RASSF8: variants seen among roughly 807,000 people sequenced by gnomAD.
RASSF8 encodes Ras association domain family member 8, also known as ras association domain-containing protein 8.
A neutral mutation model predicts 48.5 loss-of-function variants in RASSF8; 22 were observed. That is an observed-to-expected ratio of 0.45 (90% CI 0.32 to 0.65). RASSF8 has a LOEUF of 0.65. Ranked by LOEUF, RASSF8 falls within the 30% of genes least tolerant of loss-of-function variation. RASSF8 has a pLI of 0.03. For synonymous variants in RASSF8, 127 were observed against 171.5 expected (o/e 0.74, Z 2.03); for missense variants, 418 against 489.2 (o/e 0.85, Z 1.37).
At chr12:26,058,524 GCGCA>G (rs1943661857) in intron 3 of RASSF8, among the ~76,000 whole-genome samples, 2 of 65,182 alleles carry the variant, frequency 3.1e-5, no homozygotes, top group African/African-American at 9.5e-5. Flanking sequence ...CTACACACAT[GCGCA>G]CGCGCGCGCG....
intron 1 of RASSF8, among the ~76,000 whole-genome samples, chr12:25,961,748 C>T (rs1042657562): frequency 3.3e-5 from 5 of 152,156 alleles, no homozygotes; most frequent in Non-Finnish European, 5.9e-5. Context: ...ATCTCAAACT[C>T]CTTCAGAATT....
At chr12:26,037,763 T>C (rs1943182799) in intron 2 of RASSF8, among the ~76,000 whole-genome samples, 2 of 152,122 alleles carry the variant, frequency 1.3e-5, no homozygotes, top group South Asian at 4.1e-4. Flanking sequence ...AAGAGATACT[T>C]GTATGAGATG....
chr12:25,974,296 G>A (rs1036518484), intron 1 of RASSF8, among the ~76,000 whole-genome samples: 2 of 152,108 alleles, frequency 1.3e-5, no homozygotes, highest in African/African-American at 4.8e-5. Flanking sequence ...CAGCCAATAC[G>A]CGAGAAGTGC....
intron 1 of RASSF8, among the ~76,000 whole-genome samples, chr12:25,977,987 C>T (rs1368349025): frequency 6.6e-6 from 1 of 152,134 alleles, no homozygotes; most frequent in African/African-American, 2.4e-5. Context: ...TGACACTCCT[C>T]TTTTCAAATC....
chr12:26,037,502 C>T (rs1943178418), intron 2 of RASSF8, among the ~76,000 whole-genome samples: 1 of 152,122 alleles, frequency 6.6e-6, no homozygotes, highest in Non-Finnish European at 1.5e-5. Context: ...ACCAAGATCC[C>T]ATTTTATTAT....
chr12:26,024,874 A>G (rs971353304), intron 2 of RASSF8, among the ~76,000 whole-genome samples: 4 of 151,988 alleles, frequency 2.6e-5, no homozygotes, highest in Non-Finnish European at 5.9e-5. Context: ...GGAGAACAGC[A>G]TGAATCTGGG....
chr12:26,010,437 G>GGTC (rs1565616811), intron 2 of RASSF8, among the ~76,000 whole-genome samples: 11 of 152,104 alleles, frequency 7.2e-5, no homozygotes, highest in Non-Finnish European at 2.9e-5. Flanking sequence ...GCATTGCCCA[G>GGTC]GGTCATGCAG....
downstream of RASSF8, among the ~76,000 whole-genome samples, chr12:26,074,945 G>A (rs575716810): frequency 2.0e-5 from 3 of 152,132 alleles, no homozygotes; most frequent in African/African-American, 7.2e-5. Flanking sequence ...AATTTTAAGC[G>A]TGGAAATTAA....
At chr12:26,074,411 C>T (rs990429636), downstream of RASSF8, among the ~76,000 whole-genome samples, 16 of 152,206 alleles carry the variant, frequency 1.1e-4, no homozygotes, top group South Asian at 2.1e-4. Context: ...GGCCTGATCT[C>T]GGCTCACTGC....
intron 2 of RASSF8, among the ~76,000 whole-genome samples, chr12:26,048,000 A>G (rs1416946727): frequency 1.3e-5 from 2 of 152,226 alleles, no homozygotes; most frequent in African/African-American, 4.8e-5. Flanking sequence ...ATTTAAAGGA[A>G]GCGGCTAGAA....
At chr12:25,959,816 A>C (rs1177353739) in intron 1 of RASSF8, 2 of 152,152 alleles carry the variant, frequency 1.3e-5, no homozygotes, top group Non-Finnish European at 2.9e-5. Context: ...TTGGGTTCGG[A>C]ATCCAGTGTT....
intron 1 of RASSF8, among the ~76,000 whole-genome samples, chr12:25,994,572 G>C (rs1439536714): frequency 2.0e-5 from 3 of 152,210 alleles, no homozygotes; most frequent in Non-Finnish European, 4.4e-5. Context: ...CCAAGGAAAA[G>C]TGCAGTGTAT....
At chr12:26,065,498 A>G in intron 4 of RASSF8, 111 bp downstream of exon 4, 1 of 1,375,670 alleles carries the variant, frequency 7.3e-7, no homozygotes, top group Admixed American at 2.5e-5. Flanking sequence ...TTAGAAACCC[A>G]GCCTTGTTTA....
intron 1 of RASSF8, among the ~76,000 whole-genome samples, chr12:25,983,254 G>GAAAA (rs61662689): frequency 0.9 from 136,164 of 151,850 alleles, 61,183 homozygotes; most frequent in East Asian, 0.99. Context: ...AAAAAAATCT[G>GAAAA]AAACTAAATA....
intron 2 of RASSF8, among the ~76,000 whole-genome samples, chr12:26,018,740 C>T (rs964652692): frequency 2.6e-5 from 4 of 152,184 alleles, no homozygotes; most frequent in African/African-American, 9.7e-5. Context: ...GGAGTCATTA[C>T]AATGAGGAAG....
chr12:26,079,153 A>G (rs1434251833), exon 6 of RASSF8: 1 of 975,288 alleles, frequency 1.0e-6, no homozygotes, highest in African/African-American at 1.7e-5. Context: ...CTGCACAACA[A>G]AGGAAACGAT....
chr12:26,042,930 G>A (rs573063189), intron 2 of RASSF8, among the ~76,000 whole-genome samples: 6 of 152,218 alleles, frequency 3.9e-5, no homozygotes, highest in Admixed American at 6.5e-5. Flanking sequence ...TAAAATACTC[G>A]AATGCCAATT....
At chr12:26,049,270 T>A (rs1288896512) in intron 2 of RASSF8, among the ~76,000 whole-genome samples, 2 of 152,222 alleles carry the variant, frequency 1.3e-5, no homozygotes, top group Admixed American at 6.5e-5. Flanking sequence ...GGCTAGTAAA[T>A]TAGATTAGTA....
In RASSF8 at chr12:26,069,278, G is replaced by A. The variant is rs886964589; in HGVS notation, c.*460G>A. The A allele has an allele frequency of 3.0e-6, 3 of 985,046 alleles. No individual in the cohort carries two copies. The highest frequency in any genetic ancestry group is 3.6e-6 in the Non-Finnish European group (3 of 829,022). The allele number at this position is 985,046 out of a possible 1,614,324, so 61.0% of individuals were successfully genotyped here. On this transcript the variant is annotated 3_prime_UTR_variant, in exon 6 of 6. Transcript: ENST00000689635. ...ATTGTGTGATTATGACCGTGTGCATGTTGCCAGACTCCATCCATGCATTGC... is the reference window on the plus strand; with the variant it reads ...ATTGTGTGATTATGACCGTGTGCATATTGCCAGACTCCATCCATGCATTGC...
Sources: allele counts gnomAD v4.1 joint callset (sites outside exome capture counted in the v4.1 genomes callset), GRCh38; gene constraint gnomAD v4.1.1; transcripts MANE v1.5; gene names NCBI Gene and HGNC (gene_info 2026-07-23, HGNC 2026-07-21).